WDR7: variants seen among roughly 807,000 people sequenced by gnomAD.
WDR7 encodes WD repeat domain 7, also known as WD repeat-containing protein 7.
A neutral mutation model predicts 169.4 loss-of-function variants in WDR7; 46 were observed. The ratio of observed to expected loss-of-function variants is 0.27; its 90% CI spans 0.21 to 0.35. The LOEUF is 0.35. WDR7 is among the 10% of genes least tolerant of loss of function. The probability of loss-of-function intolerance (pLI) is 1.00; values close to 1 mark genes in which losing one functional copy is unlikely to be tolerated. For missense variants in WDR7, 1,534 were observed against 1,859.3 expected (o/e 0.83, Z 3.22); for synonymous variants, 612 against 666.8 (o/e 0.92, Z 1.27).
In WDR7 at chr18:56,827,845, A is replaced by G. The variant is rs540004627; in HGVS notation, c.3304+11701A>G. On this transcript the variant is annotated intron_variant, in intron 20 of 27. Transcript: ENST00000254442. Reference sequence around the variant, plus strand: ...AAATATATGCACCTACTATATACCCACAAAAATGAAAAATTTAAAAAAAAC... The same window carrying G: ...AAATATATGCACCTACTATATACCCGCAAAAATGAAAAATTTAAAAAAAAC... 7.2e-5 allele frequency among the ~76,000 whole-genome samples: 11 copies of G among 152,248 alleles called. No homozygotes were observed. The South Asian group carries it at 2.1e-3, about 29-fold the overall frequency.
rs538856028 is a variant in WDR7 at position 56,963,234 on chromosome 18, G to A, written c.4164+705G>A. 2.6e-5 allele frequency among the ~76,000 whole-genome samples: 4 copies of A among 152,148 alleles called. No homozygotes were observed. In the South Asian group the frequency reaches 8.3e-4, roughly 32 times the overall value. On this transcript the variant is annotated intron_variant, in intron 26 of 27. Coordinates refer to ENST00000254442, the MANE Select transcript of WDR7 (RefSeq NM_015285.3). ...GTCGCACTGTTACTTCACAAAATCG[G>A]GGTTAGGCTCCACCATGATCATGGT...
intron 20 of WDR7, among the ~76,000 whole-genome samples, chr18:56,879,553 G>A (rs80110799): frequency 0.049 from 7,464 of 152,108 alleles, 643 homozygotes; most frequent in African/African-American, 0.17. Context: ...ATCCTTTCTT[G>A]ATTCTGTCTT....
chr18:56,956,297 G>A (rs1425031349), intron 25 of WDR7, among the ~76,000 whole-genome samples: 2 of 152,080 alleles, frequency 1.3e-5, no homozygotes, highest in Non-Finnish European at 2.9e-5. Flanking sequence ...CTGAGCTGAT[G>A]CCTTCACCAA....
chr18:56,905,429 A>T (rs915225982), intron 21 of WDR7, among the ~76,000 whole-genome samples: 9 of 152,110 alleles, frequency 5.9e-5, no homozygotes, highest in Non-Finnish European at 1.2e-4. Context: ...GATTACAGGC[A>T]TGAGCCACTG....
intron 4 of WDR7, 102 bp from the exon 5 acceptor site, chr18:56,682,577 T>C (rs1348486460): frequency 1.6e-5 from 21 of 1,331,386 alleles, no homozygotes; most frequent in Non-Finnish European, 1.4e-5. Flanking sequence ...GAAGTTGAGC[T>C]TTAGGAGAAT....
intron 16 of WDR7, among the ~76,000 whole-genome samples, chr18:56,775,248 A>G (rs1356939731): frequency 6.6e-6 from 1 of 152,098 alleles, no homozygotes; most frequent in Non-Finnish European, 1.5e-5. Flanking sequence ...ATTTCTCCCC[A>G]TTTTTGAAAA....
At chr18:56,778,238 C>T (rs2044268561) in intron 17 of WDR7, among the ~76,000 whole-genome samples, 1 of 152,152 alleles carries the variant, frequency 6.6e-6, no homozygotes, top group East Asian at 1.9e-4. Context: ...CTCCCGCTCT[C>T]ATTCACTCTC....
Position 56,807,612 on chromosome 18 carries a change from A to C in WDR7, c.3191-8419A>C, listed in dbSNP as rs183926724. ...ATTTTACTTACATATTTTTCAGTAA[A>C]TGTTTCCCTTTTGTTGCTTTCAGAA... On this transcript the variant is annotated intron_variant, in intron 19 of 27. Transcript: ENST00000254442. Among the ~76,000 whole-genome samples the C allele has an allele frequency of 1.2e-3, 175 of 151,996 alleles. 1 individual carries two copies. Among genetic ancestry groups the C allele is most frequent in the African/African-American group, 4.1e-3 (169 of 41,528 alleles).
At chr18:56,704,620 G>A (rs2430905) in intron 12 of WDR7, among the ~76,000 whole-genome samples, 139,912 of 152,228 alleles carry the variant, frequency 0.92, 65,432 homozygotes, top group East Asian at 1. Context: ...GCAATTTAAT[G>A]TCTTACACCT....
At chr18:56,799,247 A>G (rs2044632359) in intron 19 of WDR7, among the ~76,000 whole-genome samples, 1 of 152,210 alleles carries the variant, frequency 6.6e-6, no homozygotes, top group Admixed American at 6.5e-5. Flanking sequence ...AGAGTGAAAT[A>G]TTAAAACTGT....
intron 20 of WDR7, among the ~76,000 whole-genome samples, chr18:56,823,894 A>G (rs2045149729): frequency 1.3e-5 from 2 of 152,152 alleles, no homozygotes; most frequent in Admixed American, 1.3e-4. Flanking sequence ...ATTTTCCTGC[A>G]ACCATCTCCC....
chr18:56,808,560 T>C (rs891420673), intron 19 of WDR7, among the ~76,000 whole-genome samples: 2 of 152,204 alleles, frequency 1.3e-5, no homozygotes, highest in Non-Finnish European at 2.9e-5. Flanking sequence ...GAAGTGGTTT[T>C]ATATTTCCAT....
chr18:56,985,470 G>A (rs1313445966), intron 26 of WDR7, among the ~76,000 whole-genome samples: 1 of 152,004 alleles, frequency 6.6e-6, no homozygotes, highest in Non-Finnish European at 1.5e-5. Flanking sequence ...AGGAGGTGGG[G>A]GAAGTTGAAG....
At chr18:56,809,893 T>A (rs193252915) in intron 19 of WDR7, among the ~76,000 whole-genome samples, 234 of 152,248 alleles carry the variant, frequency 1.5e-3, no homozygotes, top group African/African-American at 5.4e-3. Context: ...TGGTATAGAT[T>A]ATTTTCACTG....
At chr18:57,026,041 C>T (rs987618365) in intron 27 of WDR7, among the ~76,000 whole-genome samples, 1 of 152,180 alleles carries the variant, frequency 6.6e-6, no homozygotes. Context: ...TCCAGATTTT[C>T]AGTATTCTTT....
intron 20 of WDR7, among the ~76,000 whole-genome samples, chr18:56,837,572 C>G (rs1392577012): frequency 6.6e-6 from 1 of 152,110 alleles, no homozygotes; most frequent in African/African-American, 2.4e-5. Flanking sequence ...GAAAACATAG[C>G]TTGGGAATTA....
chr18:56,985,474 GT>G, intron 26 of WDR7, among the ~76,000 whole-genome samples: 1 of 152,110 alleles, frequency 6.6e-6, no homozygotes, highest in Non-Finnish European at 1.5e-5. Context: ...GGTGGGGGAA[GT>G]TGAAGTTTCT....
At chr18:56,919,973 G>A (rs1352012918) in intron 21 of WDR7, among the ~76,000 whole-genome samples, 1 of 152,008 alleles carries the variant, frequency 6.6e-6, no homozygotes, top group Non-Finnish European at 1.5e-5. Context: ...CCTTAGCGTG[G>A]CATATAAGGC....
chr18:56,743,936 A>G (rs1430761821), intron 14 of WDR7, among the ~76,000 whole-genome samples: 2 of 152,178 alleles, frequency 1.3e-5, no homozygotes. Flanking sequence ...GGAAAACCTT[A>G]TTTCTGAAAC....
Sources: allele counts gnomAD v4.1 joint callset (sites outside exome capture counted in the v4.1 genomes callset), GRCh38; gene constraint gnomAD v4.1.1; transcripts MANE v1.5; gene names NCBI Gene and HGNC (gene_info 2026-07-23, HGNC 2026-07-21).